Variants in SLC49A4 observed in about 807,000 individuals in gnomAD.
SLC49A4 encodes the protein disrupted in renal cancer protein 2.
SLC49A4 carries 36 observed loss-of-function variants against 50.6 expected under a neutral mutation model. The ratio of observed to expected loss-of-function variants is 0.71; its 90% CI spans 0.55 to 0.94. SLC49A4 has a LOEUF of 0.94. SLC49A4 is among the 40% of genes least tolerant of loss of function. The pLI is 0.00. For missense variants in SLC49A4, 503 were observed against 605.7 expected (o/e 0.83, Z 1.78); for synonymous variants, 248 against 241.2 (o/e 1.03, Z -0.26).
At chr3:122,826,556 A>G (rs1333624726) in intron 2 of SLC49A4, among the ~76,000 whole-genome samples, 2 of 152,222 alleles carry the variant, frequency 1.3e-5, no homozygotes, top group African/African-American at 4.8e-5. Flanking sequence ...GGCACAAATC[A>G]TAGGTCACAG....
At chr3:122,834,243 A>G (rs1936644864) in intron 4 of SLC49A4, among the ~76,000 whole-genome samples, 2 of 152,188 alleles carry the variant, frequency 1.3e-5, no homozygotes, top group African/African-American at 2.4e-5. Flanking sequence ...AGCAGTATCT[A>G]TGTCTTTACA....
intron 4 of SLC49A4, among the ~76,000 whole-genome samples, chr3:122,840,790 G>A (rs1392726050): frequency 6.6e-6 from 1 of 152,068 alleles, no homozygotes; most frequent in South Asian, 2.1e-4. Flanking sequence ...AATGTCTCTT[G>A]TATTGCACTG....
chr3:122,859,941 T>A (rs1937036979), intron 6 of SLC49A4, 134 bp from the exon 7 acceptor site: 1 of 884,052 alleles, frequency 1.1e-6, no homozygotes, highest in Non-Finnish European at 1.6e-6. Flanking sequence ...AAATTTGTTT[T>A]AAAAAAACAC....
At chr3:122,803,658 C>T (rs1936167807) in intron 1 of SLC49A4, among the ~76,000 whole-genome samples, 1 of 152,148 alleles carries the variant, frequency 6.6e-6, no homozygotes, top group Admixed American at 6.5e-5. Context: ...GGTGGTCTTA[C>T]CAGGTGAGCT....
intron 3 of SLC49A4, among the ~76,000 whole-genome samples, chr3:122,831,449 TA>T: frequency 6.6e-6 from 1 of 152,230 alleles, no homozygotes; most frequent in Admixed American, 6.5e-5. Context: ...AATACTAAAG[TA>T]CTGATACATA....
intron 8 of SLC49A4, among the ~76,000 whole-genome samples, chr3:122,878,979 T>A (rs1410976220): frequency 6.6e-6 from 1 of 152,244 alleles, no homozygotes; most frequent in African/African-American, 2.4e-5. Flanking sequence ...TGATTTTTTT[T>A]CTTTGAAGTA....
chr3:122,873,839 C>T (rs1937226930), intron 8 of SLC49A4, among the ~76,000 whole-genome samples: 1 of 152,192 alleles, frequency 6.6e-6, no homozygotes, highest in South Asian at 2.1e-4. Context: ...TACATATCAG[C>T]TTTAATCCAC....
chr3:122,836,923 A>C (rs563050684), intron 4 of SLC49A4, among the ~76,000 whole-genome samples: 1 of 152,322 alleles, frequency 6.6e-6, no homozygotes, highest in East Asian at 1.9e-4. Context: ...CCAATAGCAG[A>C]CAAACAGAGC....
chr3:122,795,639 G>T lies in SLC49A4; in HGVS notation c.343+104G>T. 2.7e-6 allele frequency: 4 copies of T among 1,470,676 alleles called. No individual in the cohort carries two copies. In the South Asian group the frequency reaches 5.4e-5, roughly 20 times the overall value. The allele number at this position is 1,470,676 out of a possible 1,614,324, so 91.1% of individuals were successfully genotyped here. A position where few individuals can be genotyped will look rare whatever the true frequency, so the allele number is the denominator to read the frequency against. On this transcript the variant is annotated intron_variant, in intron 1 of 8. Transcript: ENST00000261038. ...CGCCTCCCTTGGCCCCGGCATAGGGGTTGTGTGAGGTGATAGAGTGTTGCT... is the reference window on the plus strand; with the variant it reads ...CGCCTCCCTTGGCCCCGGCATAGGGTTTGTGTGAGGTGATAGAGTGTTGCT...
chr3:122,795,284 AGGCGGCGGCGGC>A lies in SLC49A4; in HGVS notation c.97_108del (p.Ala33_Ala36del). On this transcript the variant is annotated inframe_deletion, in exon 1 of 9. Transcript: ENST00000261038. ...CTGGGGGCCTCCTGGAGAAGCCGGG[AGGCGGCGGCGGC>A]GGCGCTGCCCGCGGCGGTCCCGGGT... is the stretch of plus-strand genomic sequence containing the variant. 1.4e-6 allele frequency: 2 copies of A among 1,416,328 alleles called. No homozygotes were observed. Among genetic ancestry groups the A allele is most frequent in the Non-Finnish European group, 1.8e-6 (2 of 1,098,236 alleles). The allele number at this position is 1,416,328 out of a possible 1,614,324, so 87.7% of individuals were successfully genotyped here.
chr3:122,844,030 C>T (rs1936815619), intron 4 of SLC49A4, among the ~76,000 whole-genome samples: 1 of 152,176 alleles, frequency 6.6e-6, no homozygotes, highest in Non-Finnish European at 1.5e-5. Context: ...AACACTACTG[C>T]AGTGACATCC....
rs2107554412 is a variant in SLC49A4 at position 122,800,927 on chromosome 3, C to T, written c.343+5392C>T. On this transcript the variant is annotated intron_variant, in intron 1 of 8. Transcript: ENST00000261038. ...TGGTTTACGAAATTGTAGTAGGATT[C>T]TTGGGTAGCACTGAGGGCCTGCTTT... Among the ~76,000 whole-genome samples, 2 of 152,238 alleles carry T rather than the reference C, an allele frequency of 1.3e-5. 1 individual carries two copies. Among genetic ancestry groups the T allele is most frequent in the South Asian group, 4.1e-4 (2 of 4,820 alleles).
intron 7 of SLC49A4, among the ~76,000 whole-genome samples, chr3:122,869,181 G>C (rs1361461910): frequency 6.6e-6 from 1 of 151,992 alleles, no homozygotes; most frequent in Non-Finnish European, 1.5e-5. Context: ...AATTCAAGTA[G>C]TAGAAAAAGA....
At chr3:122,872,367 A>G (rs1937206780) in intron 7 of SLC49A4, 48 bp from the exon 8 acceptor site, 2 of 1,477,896 alleles carry the variant, frequency 1.4e-6, no homozygotes, top group South Asian at 2.4e-5. Flanking sequence ...ATCTGATATG[A>G]CTCACTGCCG....
chr3:122,795,426 G>A lies in SLC49A4; in HGVS notation c.234G>A (p.Ser78=), dbSNP rs745502253. Residue 78 remains serine (S), a synonymous_variant, in exon 1 of 9, where the codon TCG becomes TCA. Coordinates refer to ENST00000261038, the MANE Select transcript of SLC49A4 (RefSeq NM_032839.3). ...ACACCTGGGGTCCCATCCAGAACTC[G>A]GCGCGCCAGGCCTACGGCTTCTCCA... ...VWNTWGPIQN[S]ARQAYGFSSW... 1.8e-5 allele frequency: 29 copies of A among 1,607,698 alleles called. No homozygotes were observed. The highest frequency in any genetic ancestry group is 2.5e-5 in the Non-Finnish European group (29 of 1,178,958).
At position 122,795,219 on chromosome 3, in the gene SLC49A4, G is replaced by A. The variant is rs2107551417; in HGVS notation, c.27G>A (p.Glu9=). The A allele has an allele frequency of 2.2e-6, 3 of 1,337,674 alleles. No individual in the cohort carries two copies. Among genetic ancestry groups the A allele is most frequent in the East Asian group, 3.1e-5 (1 of 32,156 alleles). 82.9% of individuals were successfully genotyped at this position (1,337,674 alleles called of 1,614,324 possible). A position where few individuals can be genotyped will look rare whatever the true frequency, so the allele number is the denominator to read the frequency against. ...TGGGCTCTCGCTGGAGCAGCGAAGA[G>A]GAGAGGCAGCCGCTGCTGGGGCCCG... MGSRWSSE[E]ERQPLLGPGL... is the part of the protein sequence containing the mutation. The change falls in exon 1 of 9, where the codon GAG becomes GAA. Residue 9 remains glutamate, a synonymous_variant. Transcript: ENST00000261038.
At chr3:122,806,100 G>T (rs1214420056) in intron 1 of SLC49A4, among the ~76,000 whole-genome samples, 1 of 152,090 alleles carries the variant, frequency 6.6e-6, no homozygotes, top group Non-Finnish European at 1.5e-5. Flanking sequence ...TCAGTTTTGA[G>T]AAAAGTTAAG....
At chr3:122,818,418 G>A (rs1936407024) in intron 2 of SLC49A4, among the ~76,000 whole-genome samples, 2 of 151,952 alleles carry the variant, frequency 1.3e-5, no homozygotes, top group Non-Finnish European at 2.9e-5. Flanking sequence ...CTGAATTGGG[G>A]TATTCCATTT....
At chr3:122,813,482 C>T (rs1417323889) in intron 2 of SLC49A4, among the ~76,000 whole-genome samples, 9 of 152,130 alleles carry the variant, frequency 5.9e-5, no homozygotes, top group Non-Finnish European at 1.0e-4. Flanking sequence ...GCCCAGACTC[C>T]AGAAGTCTCC....
Sources: allele counts gnomAD v4.1 joint callset (sites outside exome capture counted in the v4.1 genomes callset), GRCh38; gene constraint gnomAD v4.1.1; transcripts MANE v1.5; gene names NCBI Gene and HGNC (gene_info 2026-07-23, HGNC 2026-07-21).